The following PDE11A variants were observed in gnomAD, a reference collection of about 807,000 sequenced individuals.
PDE11A encodes dual 3',5'-cyclic-AMP and -GMP phosphodiesterase 11A.
Under a neutral mutation model 100.5 loss-of-function variants are expected in PDE11A, and 100 were observed. The ratio of observed to expected loss-of-function variants is 1.00; its 90% CI spans 0.85 to 1.18. The LOEUF (loss-of-function observed/expected upper bound fraction) is 1.18. Among genes scored for constraint, PDE11A ranks in the 50% most tolerant of loss-of-function variants. The pLI is 0.00. For synonymous variants in PDE11A, 381 were observed against 420.8 expected, an observed-to-expected ratio of 0.91 and a Z score of 1.16; for missense variants, 1,141 against 1,152.6, an observed-to-expected ratio of 0.99 and a Z score of 0.15.
chr2:177,986,569 C>A (rs551855589), intron 2 of PDE11A, among the ~76,000 whole-genome samples: 2 of 152,082 alleles, frequency 1.3e-5, no homozygotes. Context: ...CAGTGGCTCA[C>A]GCCTGCAATC....
At chr2:177,709,786 G>A (rs909654285) in intron 13 of PDE11A, among the ~76,000 whole-genome samples, 4 of 152,062 alleles carry the variant, frequency 2.6e-5, no homozygotes, top group Non-Finnish European at 5.9e-5. Flanking sequence ...AGGAGGGAGC[G>A]ACAAAGTATA....
At chr2:177,818,395 C>A (rs908335172) in intron 7 of PDE11A, among the ~76,000 whole-genome samples, 1 of 151,574 alleles carries the variant, frequency 6.6e-6, no homozygotes, top group African/African-American at 2.4e-5. Flanking sequence ...AAGCTTTGGA[C>A]TTAGATGATC....
At chr2:177,663,745 C>T in intron 19 of PDE11A, 121 bp downstream of exon 19, 3 of 719,556 alleles carry the variant, frequency 4.2e-6, no homozygotes, top group Admixed American at 4.0e-5. Flanking sequence ...CAAACTGCAG[C>T]CAGAGCTCTC....
intron 2 of PDE11A, among the ~76,000 whole-genome samples, chr2:178,080,075 T>G (rs1192919982): frequency 1.3e-5 from 2 of 152,206 alleles, no homozygotes; most frequent in Non-Finnish European, 2.9e-5. Context: ...TGCAAAAATT[T>G]TCTTCCATTC....
intron 19 of PDE11A, among the ~76,000 whole-genome samples, chr2:177,652,757 C>T (rs1418206786): frequency 6.6e-6 from 1 of 152,148 alleles, no homozygotes; most frequent in Non-Finnish European, 1.5e-5. Flanking sequence ...AAAAAATACC[C>T]CAGGCATTTT....
chr2:177,880,407 G>A (rs550672216), intron 4 of PDE11A, among the ~76,000 whole-genome samples: 50 of 152,240 alleles, frequency 3.3e-4, no homozygotes, highest in African/African-American at 1.1e-3. Context: ...CTCAGGCCCC[G>A]GTTGGCAAAA....
At chr2:178,086,529 A>G (rs749652600) in intron 2 of PDE11A, among the ~76,000 whole-genome samples, 2 of 152,164 alleles carry the variant, frequency 1.3e-5, no homozygotes, top group Non-Finnish European at 2.9e-5. Flanking sequence ...TAAAATGACC[A>G]CCCTATTTTT....
intron 1 of PDE11A, among the ~76,000 whole-genome samples, chr2:178,024,673 A>C (rs1048567157): frequency 6.6e-6 from 1 of 152,238 alleles, no homozygotes; most frequent in African/African-American, 2.4e-5. Flanking sequence ...AATGTAGAGA[A>C]GTTAATGGAA....
chr2:177,805,692 C>T (rs945308164), intron 9 of PDE11A, among the ~76,000 whole-genome samples: 2 of 152,032 alleles, frequency 1.3e-5, no homozygotes, highest in African/African-American at 2.4e-5. Context: ...GTTTATATTC[C>T]TTCCTGACAA....
intron 9 of PDE11A, among the ~76,000 whole-genome samples, chr2:177,775,606 G>A (rs1294943441): frequency 6.6e-6 from 1 of 152,030 alleles, no homozygotes; most frequent in Admixed American, 6.5e-5. Flanking sequence ...TAAACTTCGT[G>A]CTGCCTGTGC....
chr2:177,829,295 T>C (rs1281880089), intron 6 of PDE11A, among the ~76,000 whole-genome samples: 1 of 152,178 alleles, frequency 6.6e-6, no homozygotes, highest in Non-Finnish European at 1.5e-5. Flanking sequence ...ACATATATTA[T>C]TCTATACATA....
intron 2 of PDE11A, among the ~76,000 whole-genome samples, chr2:177,938,400 G>A (rs936512394): frequency 6.6e-6 from 1 of 152,174 alleles, no homozygotes; most frequent in Non-Finnish European, 1.5e-5. Context: ...GGTGTGTGGT[G>A]CACCAGCAGG....
At chr2:177,768,667 T>C (rs1346739347) in intron 10 of PDE11A, among the ~76,000 whole-genome samples, 3 of 152,174 alleles carry the variant, frequency 2.0e-5, no homozygotes, top group Non-Finnish European at 2.9e-5. Flanking sequence ...ATAAGGAATA[T>C]CTAACACTCA....
In PDE11A at chr2:177,681,008, T is replaced by C. The variant is rs9677333; in HGVS notation, c.2346-105A>G. On this transcript the variant is annotated intron_variant, in intron 15 of 19. Transcript: ENST00000286063. ...ATCTATGGGAAAAACATAAGACCAC[T>C]TGAACCAAGTAACTTAATATTTGAA... The C allele has an allele frequency of 0.11, 72,764 of 670,960 alleles. 4,912 individuals are homozygous for C. The highest frequency in any genetic ancestry group is 0.21 in the Middle Eastern group (830 of 3,918). The allele number at this position is 670,960 out of a possible 1,614,324, so 41.6% of individuals were successfully genotyped here.
At chr2:177,736,516 AAAAAAAAAAG>A (rs1262755638) in intron 10 of PDE11A, among the ~76,000 whole-genome samples, 9 of 149,388 alleles carry the variant, frequency 6.0e-5, no homozygotes, top group South Asian at 2.1e-4. Context: ...CATCTAAAAG[AAAAAAAAAAG>A]AAAAAAAAAG....
chr2:177,893,497 TTA>T (rs2084563562), intron 4 of PDE11A, among the ~76,000 whole-genome samples: 1 of 152,218 alleles, frequency 6.6e-6, no homozygotes, highest in Non-Finnish European at 1.5e-5. Flanking sequence ...TGTTCCTGTA[TTA>T]TGAGTAATTC....
intron 15 of PDE11A, chr2:177,687,488 T>C (rs569798551): frequency 6.6e-6 from 1 of 152,352 alleles, no homozygotes; most frequent in Admixed American, 6.5e-5. Context: ...TTACCCATGT[T>C]GTTATATATA....
At chr2:177,781,772 G>A (rs2082458865) in intron 9 of PDE11A, among the ~76,000 whole-genome samples, 1 of 152,136 alleles carries the variant, frequency 6.6e-6, no homozygotes, top group African/African-American at 2.4e-5. Flanking sequence ...AAAGTGCTGG[G>A]ATTACAAGTG....
At chr2:178,068,250 A>G (rs2087075543) in intron 1 of PDE11A, among the ~76,000 whole-genome samples, 1 of 151,116 alleles carries the variant, frequency 6.6e-6, no homozygotes, top group Admixed American at 6.6e-5. Context: ...TTTTCCATTT[A>G]CGATTTATTT....
Sources: gnomAD v4.1 joint callset for allele counts (sites outside exome capture counted in the v4.1 genomes callset) on GRCh38, gnomAD v4.1.1 for gene constraint, MANE v1.5 for transcripts, NCBI Gene and HGNC (gene_info 2026-07-23, HGNC 2026-07-21) for gene names.